AOPEP: variants seen among roughly 807,000 people sequenced by gnomAD.
AOPEP encodes aminopeptidase O.
AOPEP carries 77 observed loss-of-function variants against 98.1 expected under a neutral mutation model. The observed-to-expected ratio is 0.78, with a 90% CI of 0.65 to 0.95. The LOEUF (loss-of-function observed/expected upper bound fraction) is 0.95, where lower values mean the gene tolerates loss of function less well. Ranked by LOEUF, AOPEP falls within the 40% of genes least tolerant of loss-of-function variation. The probability of loss-of-function intolerance (pLI) is 0.00; values close to 1 mark genes in which losing one functional copy is unlikely to be tolerated. For synonymous variants in AOPEP, 346 were observed against 365.3 expected, an observed-to-expected ratio of 0.95 and a Z score of 0.60; for missense variants, 1,024 against 1,024.7, an observed-to-expected ratio of 1.00 and a Z score of 0.01.
chr9:94,984,196 C>A (rs956342115), intron 11 of AOPEP, among the ~76,000 whole-genome samples: 7 of 151,936 alleles, frequency 4.6e-5, no homozygotes, highest in African/African-American at 1.7e-4. Context: ...CCACGCCTGG[C>A]TAATTTTTTG....
chr9:94,755,586 C>T (rs1413218168), intron 1 of AOPEP, among the ~76,000 whole-genome samples: 1 of 152,064 alleles, frequency 6.6e-6, no homozygotes, highest in Non-Finnish European at 1.5e-5. Flanking sequence ...CCTTTGCCCC[C>T]CAAAGCTATT....
At chr9:95,043,884 G>A (rs775790351) in intron 13 of AOPEP, among the ~76,000 whole-genome samples, 2 of 152,104 alleles carry the variant, frequency 1.3e-5, no homozygotes, top group Non-Finnish European at 2.9e-5. Flanking sequence ...TCTCAAACTC[G>A]TGGGCCCACA....
chr9:95,102,876 C>T, the AOPEP span, among the ~76,000 whole-genome samples: 1,756 of 152,310 alleles, frequency 0.012, 33 homozygotes, highest in African/African-American at 0.04. Context: ...CCTCGGCCCC[C>T]CCTGGCAGCA....
chr9:94,944,767 TG>T (rs1182985865), intron 7 of AOPEP, among the ~76,000 whole-genome samples: 2 of 152,248 alleles, frequency 1.3e-5, no homozygotes, highest in African/African-American at 4.8e-5. Flanking sequence ...AGTGTGTATT[TG>T]GTTTCTTTTT....
At chr9:94,917,445 C>G (rs990707267) in intron 5 of AOPEP, among the ~76,000 whole-genome samples, 2 of 152,202 alleles carry the variant, frequency 1.3e-5, no homozygotes. Context: ...CTCTCTCCTC[C>G]CCAGTGTCGT....
At chr9:94,951,436 T>C (rs760602712) in intron 7 of AOPEP, among the ~76,000 whole-genome samples, 5 of 152,224 alleles carry the variant, frequency 3.3e-5, no homozygotes, top group Admixed American at 6.5e-5. Flanking sequence ...CTAACCAGTT[T>C]TGTGGTCTTC....
At chr9:95,096,222 A>C in the AOPEP span, among the ~76,000 whole-genome samples, 3 of 152,084 alleles carry the variant, frequency 2.0e-5, no homozygotes, top group Non-Finnish European at 4.4e-5. Flanking sequence ...TCTTATACTA[A>C]ATTCTGTACA....
chr9:95,148,963 A>G, the AOPEP span, among the ~76,000 whole-genome samples: 1 of 152,150 alleles, frequency 6.6e-6, no homozygotes, highest in Non-Finnish European at 1.5e-5. Flanking sequence ...TTCTTCATAC[A>G]CTTCAACCAA....
At chr9:95,117,182 C>A in the AOPEP span, 3 of 812,856 alleles carry the variant, frequency 3.7e-6, no homozygotes, top group South Asian at 4.4e-5. Context: ...ATCCTGGGGG[C>A]TTAAAGGGAT....
intron 9 of AOPEP, among the ~76,000 whole-genome samples, chr9:94,963,045 A>G (rs952184861): frequency 5.3e-5 from 8 of 152,182 alleles, no homozygotes; most frequent in African/African-American, 1.9e-4. Context: ...CATCCAGCCA[A>G]TATTATCATC....
At chr9:95,034,955 G>C (rs2064654348) in intron 13 of AOPEP, among the ~76,000 whole-genome samples, 1 of 146,868 alleles carries the variant, frequency 6.8e-6, no homozygotes, top group Non-Finnish European at 1.5e-5. Flanking sequence ...ATATTTGAAA[G>C]AAAACCATTT....
the AOPEP span, among the ~76,000 whole-genome samples, chr9:95,148,220 G>C: frequency 6.6e-6 from 1 of 152,166 alleles, no homozygotes; most frequent in Non-Finnish European, 1.5e-5. Context: ...AAAGAATTCT[G>C]TACGGTGAAA....
chr9:94,843,195 G>T (rs1417631707), intron 5 of AOPEP, among the ~76,000 whole-genome samples: 2 of 152,068 alleles, frequency 1.3e-5, no homozygotes, highest in African/African-American at 2.4e-5. Context: ...ATTCCTCCGT[G>T]CTCCAGGGTT....
intron 5 of AOPEP, among the ~76,000 whole-genome samples, chr9:94,825,389 A>G (rs1395103596): frequency 6.6e-6 from 1 of 152,198 alleles, no homozygotes; most frequent in African/African-American, 2.4e-5. Context: ...ATCTCCAGGG[A>G]GATAGCCAGT....
At chr9:95,119,414 G>A in the AOPEP span, among the ~76,000 whole-genome samples, 1 of 150,858 alleles carries the variant, frequency 6.6e-6, no homozygotes, top group African/African-American at 2.4e-5. Context: ...TTGCCAAGCT[G>A]GAGTGCAGTG....
chr9:94,958,683 T>C (rs1183390481), intron 9 of AOPEP, among the ~76,000 whole-genome samples: 1 of 152,268 alleles, frequency 6.6e-6, no homozygotes, highest in Non-Finnish European at 1.5e-5. Flanking sequence ...CCATTTCTTC[T>C]TTGGAGAAAT....
chr9:94,792,942 G>T, intron 4 of AOPEP, 24 bp downstream of exon 4: 1 of 1,531,652 alleles, frequency 6.5e-7, no homozygotes. Context: ...GACTTGCTGG[G>T]AAGGAAAAAA....
intron 7 of AOPEP, chr9:94,933,110 G>T: frequency 4.1e-6 from 4 of 985,778 alleles, no homozygotes; most frequent in Non-Finnish European, 4.8e-6. Flanking sequence ...TCTGATTTCA[G>T]TGTTCCTTTC....
At chr9:94,836,929 T>A (rs953882301) in intron 5 of AOPEP, among the ~76,000 whole-genome samples, 1 of 152,102 alleles carries the variant, frequency 6.6e-6, no homozygotes, top group African/African-American at 2.4e-5. Flanking sequence ...TGTCTAATTA[T>A]TTTTTAAAAA....
Sources: gnomAD v4.1 joint callset for allele counts (sites outside exome capture counted in the v4.1 genomes callset) on GRCh38, gnomAD v4.1.1 for gene constraint, MANE v1.5 for transcripts, NCBI Gene and HGNC (gene_info 2026-07-23, HGNC 2026-07-21) for gene names.